GRIK2: variants seen among roughly 807,000 people sequenced by gnomAD.
The protein encoded by GRIK2 is glutamate receptor ionotropic, kainate 2.
In GRIK2, 32 loss-of-function variants were observed where a neutral mutation model predicts 100.3. The ratio of observed to expected loss-of-function variants is 0.32; its 90% CI spans 0.24 to 0.43. The LOEUF (loss-of-function observed/expected upper bound fraction) is 0.43, where lower values mean the gene tolerates loss of function less well. GRIK2 is among the 20% of genes least tolerant of loss of function. The pLI is 1.00. For synonymous variants in GRIK2, 417 were observed against 389.4 expected (o/e 1.07, Z -0.83); for missense variants, 843 against 1,114.9 (o/e 0.76, Z 3.47).
intron 4 of GRIK2, among the ~76,000 whole-genome samples, chr6:101,675,733 G>T (rs1770786902): frequency 2.0e-5 from 3 of 151,996 alleles, no homozygotes; most frequent in Non-Finnish European, 2.9e-5. Context: ...TTAATTATCA[G>T]GTACTTCTCT....
intron 14 of GRIK2, among the ~76,000 whole-genome samples, chr6:101,948,966 C>T (rs78278200): frequency 0.025 from 3,843 of 152,192 alleles, 174 homozygotes; most frequent in African/African-American, 0.088. Flanking sequence ...TTCCTCCAGT[C>T]GTAGCACACC....
intron 2 of GRIK2, among the ~76,000 whole-genome samples, chr6:101,419,957 T>G (rs1776334721): frequency 6.6e-6 from 1 of 152,204 alleles, no homozygotes; most frequent in African/African-American, 2.4e-5. Context: ...TCCGGTTCAC[T>G]TCATCCCCAA....
At chr6:101,448,467 G>T (rs544373813) in intron 2 of GRIK2, among the ~76,000 whole-genome samples, 73 of 151,596 alleles carry the variant, frequency 4.8e-4, no homozygotes, top group Non-Finnish European at 3.0e-5. Flanking sequence ...TAAGTTAGTG[G>T]GCAGTAAAGC....
chr6:101,845,155 GACTGC>G (rs1783736797), intron 10 of GRIK2, among the ~76,000 whole-genome samples: 1 of 152,030 alleles, frequency 6.6e-6, no homozygotes, highest in African/African-American at 2.4e-5. Context: ...AAGTAGCTAG[GACTGC>G]AAGCACACAC....
intron 7 of GRIK2, among the ~76,000 whole-genome samples, chr6:101,709,259 C>T (rs986906514): frequency 4.0e-5 from 6 of 151,486 alleles, no homozygotes; most frequent in African/African-American, 7.3e-5. Context: ...AGACCGTGGC[C>T]CTGCAGGAAC....
At chr6:102,015,279 C>T (rs765491099) in intron 14 of GRIK2, among the ~76,000 whole-genome samples, 4 of 151,296 alleles carry the variant, frequency 2.6e-5, no homozygotes, top group Non-Finnish European at 4.4e-5. Flanking sequence ...TTCTTTGTTT[C>T]TCTTGCTTGG....
At chr6:101,909,371 G>GTTTTTTTTTTTTTGTTTTTTTT (rs370241149) in intron 12 of GRIK2, among the ~76,000 whole-genome samples, 3 of 83,534 alleles carry the variant, frequency 3.6e-5, no homozygotes, top group Non-Finnish European at 7.0e-5. Context: ...GGAAGATAGG[G>GTTTTTTTTTTTTTGTTTTTTTT]TTTTCTTTTT....
chr6:101,590,042 G>A (rs533334405), intron 2 of GRIK2, among the ~76,000 whole-genome samples: 15 of 152,104 alleles, frequency 9.9e-5, no homozygotes, highest in Non-Finnish European at 1.9e-4. Context: ...GTATTTTCCT[G>A]TCTATGGAAT....
intron 2 of GRIK2, among the ~76,000 whole-genome samples, chr6:101,435,001 G>A (rs543785200): frequency 6.6e-6 from 1 of 152,234 alleles, no homozygotes; most frequent in African/African-American, 2.4e-5. Flanking sequence ...CACAAACTGA[G>A]CCTGCACTTT....
chr6:101,868,042 G>T (rs995412639), intron 11 of GRIK2, among the ~76,000 whole-genome samples: 7 of 134,058 alleles, frequency 5.2e-5, no homozygotes, highest in Non-Finnish European at 1.1e-4. Flanking sequence ...TTGAGAGAAA[G>T]TAAAATACTA....
intron 7 of GRIK2, among the ~76,000 whole-genome samples, chr6:101,793,983 C>G (rs532871881): frequency 2.0e-5 from 3 of 152,116 alleles, no homozygotes; most frequent in African/African-American, 7.2e-5. Flanking sequence ...TAGCAATCAG[C>G]GAGACTCCAT....
chr6:101,673,505 G>A (rs149187929), intron 4 of GRIK2, among the ~76,000 whole-genome samples: 1 of 152,240 alleles, frequency 6.6e-6, no homozygotes, highest in East Asian at 1.9e-4. Flanking sequence ...CCCCGTGCTT[G>A]CATCTACAGC....
chr6:102,003,690 G>GACTACAATATTTTCTGTCAA (rs1795062592), intron 14 of GRIK2, among the ~76,000 whole-genome samples: 1 of 151,582 alleles, frequency 6.6e-6, no homozygotes, highest in South Asian at 2.1e-4. Flanking sequence ...GAAAAAATTA[G>GACTACAATATTTTCTGTCAA]ACTACAATAT....
chr6:101,921,687 A>AGT (rs757028334), intron 12 of GRIK2, among the ~76,000 whole-genome samples: 62 of 152,072 alleles, frequency 4.1e-4, no homozygotes, highest in Non-Finnish European at 5.4e-4. Flanking sequence ...AGTGAGTAAG[A>AGT]GTGTGTGTGT....
chr6:101,941,876 T>C (rs1366054736), intron 14 of GRIK2, among the ~76,000 whole-genome samples: 1 of 152,134 alleles, frequency 6.6e-6, no homozygotes. Context: ...GAATGAAGTA[T>C]ACAATATGAG....
chr6:101,538,763 G>A (rs561371414), intron 2 of GRIK2, among the ~76,000 whole-genome samples: 1 of 151,750 alleles, frequency 6.6e-6, no homozygotes, highest in African/African-American at 2.4e-5. Context: ...ATGTGACTGT[G>A]TTAGAAATGT....
intron 10 of GRIK2, 54 bp from the exon 11 acceptor site, chr6:101,859,233 T>A (rs1468709528): frequency 4.5e-6 from 4 of 887,658 alleles, no homozygotes; most frequent in African/African-American, 1.7e-5. Context: ...ATAATTCTGA[T>A]GATGAGTTTC....
intron 7 of GRIK2, among the ~76,000 whole-genome samples, chr6:101,718,548 A>G (rs987050186): frequency 1.3e-5 from 2 of 151,978 alleles, no homozygotes; most frequent in African/African-American, 4.8e-5. Flanking sequence ...AGGAGAAAAG[A>G]TTAAAAGATT....
At chr6:101,902,830 A>G (rs1370842945) in intron 12 of GRIK2, among the ~76,000 whole-genome samples, 8 of 151,898 alleles carry the variant, frequency 5.3e-5, no homozygotes, top group Admixed American at 3.9e-4. Context: ...AAAGTTCAGT[A>G]ATAGCTTCAG....
Sources: gnomAD v4.1 joint callset for allele counts (sites outside exome capture counted in the v4.1 genomes callset) on GRCh38, gnomAD v4.1.1 for gene constraint, MANE v1.5 for transcripts, NCBI Gene and HGNC (gene_info 2026-07-23, HGNC 2026-07-21) for gene names.